RNF2: variants seen among roughly 807,000 people sequenced by gnomAD.
RNF2 encodes the protein ring finger protein 2.
Under a neutral mutation model 37.2 loss-of-function variants are expected in RNF2, and 6 were observed. That is an observed-to-expected ratio of 0.16 (90% CI 0.09 to 0.32). RNF2 has a LOEUF of 0.32. RNF2 is among the 10% of genes least tolerant of loss of function. The pLI is 1.00. For synonymous variants in RNF2, 133 were observed against 132.7 expected (o/e 1.00, Z -0.02); for missense variants, 251 against 404.0 (o/e 0.62, Z 3.25).
intron 1 of RNF2, among the ~76,000 whole-genome samples, chr1:185,082,432 C>T (rs944443800): frequency 3.4e-5 from 5 of 147,838 alleles, no homozygotes; most frequent in Non-Finnish European, 7.4e-5. Context: ...CTCACTGCAA[C>T]CTCTGCCTCC....
At chr1:185,051,916 A>G (rs1322598544) in intron 1 of RNF2, among the ~76,000 whole-genome samples, 3 of 148,260 alleles carry the variant, frequency 2.0e-5, no homozygotes, top group Non-Finnish European at 4.5e-5. Flanking sequence ...GTATTTATAC[A>G]TATATTTATA....
intron 1 of RNF2, 53 bp from the exon 2 acceptor site, chr1:185,087,499 T>C (rs939276980): frequency 4.1e-6 from 6 of 1,455,490 alleles, no homozygotes; most frequent in African/African-American, 1.4e-5. Flanking sequence ...ATTCAGACCA[T>C]AGCACTTCCC....
At chr1:185,091,800 G>T in intron 3 of RNF2, 61 bp downstream of exon 3, 6 of 1,410,312 alleles carry the variant, frequency 4.3e-6, no homozygotes, top group South Asian at 1.3e-5. Flanking sequence ...GCTTTCCAGG[G>T]TTTGAGAAAT....
chr1:185,054,334 A>G (rs551349690), intron 1 of RNF2, among the ~76,000 whole-genome samples: 24 of 152,326 alleles, frequency 1.6e-4, no homozygotes, highest in African/African-American at 1.4e-4. Flanking sequence ...GTTCACATAC[A>G]TAACCGGCAA....
chr1:185,087,671 A>G (rs1028438020), intron 2 of RNF2, 31 bp downstream of exon 2: 2 of 1,484,878 alleles, frequency 1.3e-6, no homozygotes, highest in East Asian at 2.3e-5. Context: ...CAAGGGGCAT[A>G]TGAGACGTGT....
chr1:185,099,473 A>G (rs1180702610), intron 5 of RNF2, among the ~76,000 whole-genome samples: 1 of 152,124 alleles, frequency 6.6e-6, no homozygotes, highest in Non-Finnish European at 1.5e-5. Flanking sequence ...TTTGGGGGGT[A>G]TGTTCCTTTT....
At chr1:185,062,957 C>A (rs958708820) in intron 1 of RNF2, among the ~76,000 whole-genome samples, 1 of 152,048 alleles carries the variant, frequency 6.6e-6, no homozygotes, top group Admixed American at 6.6e-5. Flanking sequence ...GTTGCTCTTC[C>A]CTAATTGGTA....
At chr1:185,084,560 T>C (rs954708225) in intron 1 of RNF2, among the ~76,000 whole-genome samples, 3 of 152,216 alleles carry the variant, frequency 2.0e-5, no homozygotes, top group South Asian at 2.1e-4. Context: ...GTCAGTTTTA[T>C]TTTGAGACCT....
chr1:185,100,144 C>T, intron 6 of RNF2, 56 bp from the exon 7 acceptor site: 1 of 1,378,300 alleles, frequency 7.3e-7, no homozygotes, highest in Non-Finnish European at 1.0e-6. Context: ...AGTTTCATTT[C>T]ATTATTATTG....
chr1:185,069,444 T>A (rs1571305074), intron 1 of RNF2, among the ~76,000 whole-genome samples: 1 of 137,102 alleles, frequency 7.3e-6, no homozygotes, highest in Non-Finnish European at 1.5e-5. Flanking sequence ...GTGATAAGAG[T>A]GAGACCCTGT....
intron 1 of RNF2, among the ~76,000 whole-genome samples, chr1:185,049,249 G>T (rs948823920): frequency 1.3e-5 from 2 of 152,144 alleles, no homozygotes; most frequent in Non-Finnish European, 2.9e-5. Context: ...CACACTATCA[G>T]AGGATGTGAG....
chr1:185,076,566 G>C (rs1651170821), intron 1 of RNF2, among the ~76,000 whole-genome samples: 1 of 150,320 alleles, frequency 6.7e-6, no homozygotes, highest in Non-Finnish European at 1.5e-5. Context: ...GATTACAGGG[G>C]TGAGCCACTG....
intron 1 of RNF2, among the ~76,000 whole-genome samples, chr1:185,085,881 A>G (rs1322061153): frequency 6.6e-6 from 1 of 151,632 alleles, no homozygotes; most frequent in Non-Finnish European, 1.5e-5. Flanking sequence ...CGAACTCCTC[A>G]CCTCAGGTGA....
At chr1:185,067,193 G>A (rs1232927163) in intron 1 of RNF2, among the ~76,000 whole-genome samples, 1 of 152,202 alleles carries the variant, frequency 6.6e-6, no homozygotes, top group Non-Finnish European at 1.5e-5. Context: ...TATTCCAGAT[G>A]TTCAGTACAG....
At chr1:185,051,719 C>T (rs1650276224) in intron 1 of RNF2, among the ~76,000 whole-genome samples, 1 of 145,838 alleles carries the variant, frequency 6.9e-6, no homozygotes. Context: ...CAGCATTCCC[C>T]CTCCTTAACT....
intron 1 of RNF2, among the ~76,000 whole-genome samples, chr1:185,074,083 T>TA (rs1382354665): frequency 6.6e-6 from 1 of 152,218 alleles, no homozygotes; most frequent in African/African-American, 2.4e-5. Context: ...GCATTTTACT[T>TA]ACATTTATCA....
chr1:185,095,474 T>C (rs1395651720), intron 4 of RNF2, among the ~76,000 whole-genome samples: 1 of 152,108 alleles, frequency 6.6e-6, no homozygotes, highest in African/African-American at 2.4e-5. Context: ...TCTTCCATTC[T>C]AGGACTCTGT....
Position 185,097,952 on chromosome 1 carries a change from A to C in RNF2, c.465-120A>C, listed in dbSNP as rs943532311. 9 of 1,030,662 alleles carry C rather than the reference A, an allele frequency of 8.7e-6. No individual in the cohort carries two copies. In the African/African-American group the frequency reaches 1.5e-4, roughly 17 times the overall value. 63.8% of individuals were successfully genotyped at this position (1,030,662 alleles called of 1,614,324 possible). On this transcript the variant is annotated intron_variant, in intron 4 of 6. Transcript: ENST00000367510. The stretch of plus-strand genomic sequence containing the variant: ...TGGGAAACAATATCATCCAACTCAG[A>C]GTAAATTCAGTTACCAGTATTTTTT...
chr1:185,054,266 T>C (rs1233701033), intron 1 of RNF2, among the ~76,000 whole-genome samples: 1 of 152,188 alleles, frequency 6.6e-6, no homozygotes, highest in Non-Finnish European at 1.5e-5. Flanking sequence ...GCTAATCTGA[T>C]GGCGGAAAAC....
Sources: allele counts gnomAD v4.1 joint callset (sites outside exome capture counted in the v4.1 genomes callset), GRCh38; gene constraint gnomAD v4.1.1; transcripts MANE v1.5; gene names NCBI Gene and HGNC (gene_info 2026-07-23, HGNC 2026-07-21).